The following GRAP2 variants were observed in gnomAD, a reference collection of about 807,000 sequenced individuals.
The protein encoded by GRAP2 is GRB2 related adaptor protein 2.
In GRAP2, 31 loss-of-function variants were observed where a neutral mutation model predicts 43.5. That is an observed-to-expected ratio of 0.71 (90% CI 0.54 to 0.96). The LOEUF (loss-of-function observed/expected upper bound fraction) is 0.96, where lower values mean the gene tolerates loss of function less well. Among genes scored for constraint, GRAP2 ranks in the 40% least tolerant of loss-of-function variants. The probability of loss-of-function intolerance (pLI) is 0.00; values close to 1 mark genes in which losing one functional copy is unlikely to be tolerated. For missense variants in GRAP2, 371 were observed against 424.4 expected (o/e 0.87, Z 1.11); for synonymous variants, 156 against 164.8 (o/e 0.95, Z 0.41).
chr22:39,939,452 C>T (rs933432537), intron 1 of GRAP2, among the ~76,000 whole-genome samples: 14 of 150,670 alleles, frequency 9.3e-5, no homozygotes, highest in Non-Finnish European at 1.9e-4. Flanking sequence ...GTCCCAGCTA[C>T]TCAGGAGGCT....
chr22:39,971,099 A>G lies in GRAP2; in HGVS notation c.*15A>G, dbSNP rs770449809. 5.6e-6 allele frequency: 9 copies of G among 1,595,692 alleles called. No homozygotes were observed. Among genetic ancestry groups the G allele is most frequent in the Non-Finnish European group, 6.8e-6 (8 of 1,171,636 alleles). ...TGACCCGATAAACTCTTCAGGGGAC[A>G]GAAGCTTTTTGTCTGGAGCTGCCCA... On this transcript the variant is annotated 3_prime_UTR_variant, in exon 8 of 8. Transcript: ENST00000344138.
intron 1 of GRAP2, among the ~76,000 whole-genome samples, chr22:39,939,561 CAAAAAAAAA>C (rs386395434): frequency 1.6e-5 from 1 of 64,168 alleles, no homozygotes; most frequent in African/African-American, 6.6e-5. Context: ...GACTCCGTCT[CAAAAAAAAA>C]AAAAAAAAAA....
At chr22:39,955,345 A>C (rs2067035824) in intron 2 of GRAP2, among the ~76,000 whole-genome samples, 1 of 152,198 alleles carries the variant, frequency 6.6e-6, no homozygotes, top group East Asian at 1.9e-4. Context: ...CGACAGAGCA[A>C]GACTCTGTCT....
intron 1 of GRAP2, among the ~76,000 whole-genome samples, chr22:39,941,781 C>T (rs758397127): frequency 1.6e-4 from 25 of 152,148 alleles, no homozygotes; most frequent in Non-Finnish European, 2.5e-4. Flanking sequence ...AAAATATTTA[C>T]TCTCTGGCTC....
At chr22:39,900,036 G>A (rs546578461), upstream of GRAP2, among the ~76,000 whole-genome samples, 1 of 151,568 alleles carries the variant, frequency 6.6e-6, no homozygotes, top group Non-Finnish European at 1.5e-5. Context: ...TAACTCATTC[G>A]ACAAATATTT....
At chr22:39,923,354 CT>C (rs2066670638) in intron 1 of GRAP2, among the ~76,000 whole-genome samples, 1 of 152,210 alleles carries the variant, frequency 6.6e-6, no homozygotes, top group African/African-American at 2.4e-5. Context: ...TTTTAAAATA[CT>C]TCTTAATATA....
chr22:39,926,562 T>A, intron 1 of GRAP2: 1 of 980,674 alleles, frequency 1.0e-6, no homozygotes, highest in Non-Finnish European at 1.2e-6. Context: ...GGCTATGGTT[T>A]TTTCTACATG....
intron 1 of GRAP2, among the ~76,000 whole-genome samples, chr22:39,913,107 C>T (rs530767393): frequency 1.3e-5 from 2 of 150,712 alleles, no homozygotes; most frequent in South Asian, 2.1e-4. Context: ...GTGGGAGAAT[C>T]GCTTATACCT....
upstream of GRAP2, among the ~76,000 whole-genome samples, chr22:39,900,541 A>T (rs1369945342): frequency 6.6e-6 from 1 of 152,242 alleles, no homozygotes; most frequent in Non-Finnish European, 1.5e-5. Context: ...CTCAAGGTCA[A>T]TGGAAAGTCT....
intron 4 of GRAP2, chr22:39,960,686 C>T (rs2067110299): frequency 6.5e-6 from 1 of 154,018 alleles, no homozygotes. Flanking sequence ...AGTTGTGGCA[C>T]CTTTCTTTGC....
intron 2 of GRAP2, among the ~76,000 whole-genome samples, chr22:39,954,378 C>G (rs901475968): frequency 1.3e-5 from 2 of 152,096 alleles, no homozygotes; most frequent in African/African-American, 4.8e-5. Context: ...AATTATTGTT[C>G]TAGTCTATAT....
chr22:39,902,885 T>A (rs1282226301), intron 1 of GRAP2, among the ~76,000 whole-genome samples: 1 of 152,234 alleles, frequency 6.6e-6, no homozygotes, highest in East Asian at 1.9e-4. Context: ...ATATCATGAT[T>A]AGTTGTTTCT....
In GRAP2 at chr22:39,965,918, A is replaced by G; in HGVS notation, c.291-72A>G. 10 of 1,236,688 alleles carry G rather than the reference A, an allele frequency of 8.1e-6. No homozygotes were observed. In the South Asian group the frequency reaches 1.2e-4, roughly 15 times the overall value. 76.6% of individuals were successfully genotyped at this position (1,236,688 alleles called of 1,614,324 possible). On this transcript the variant is annotated intron_variant, in intron 4 of 7. Transcript: ENST00000344138. Reference sequence around the variant, plus strand: ...TGCTCAAAGAGAACTCCACCATCCCAGATGTGAGCAGCCTGGAGGTGGTGA... The same window carrying G: ...TGCTCAAAGAGAACTCCACCATCCCGGATGTGAGCAGCCTGGAGGTGGTGA...
intron 2 of GRAP2, among the ~76,000 whole-genome samples, chr22:39,951,903 G>A (rs922097432): frequency 4.6e-5 from 7 of 152,268 alleles, no homozygotes; most frequent in African/African-American, 9.6e-5. Flanking sequence ...ACCAGGTGGC[G>A]GAGAGAAATG....
intron 1 of GRAP2, among the ~76,000 whole-genome samples, chr22:39,938,468 G>T (rs2066830502): frequency 6.6e-6 from 1 of 152,248 alleles, no homozygotes; most frequent in African/African-American, 2.4e-5. Context: ...AAATCACAAG[G>T]CAAGGCCATG....
chr22:39,935,642 G>C (rs532749846), intron 1 of GRAP2, among the ~76,000 whole-genome samples: 2 of 152,114 alleles, frequency 1.3e-5, no homozygotes, highest in South Asian at 4.2e-4. Flanking sequence ...TAGACTTATC[G>C]AATGAAGCAA....
At chr22:39,895,247 CACTT>C in the GRAP2 span, among the ~76,000 whole-genome samples, 17 of 152,148 alleles carry the variant, frequency 1.1e-4, no homozygotes, top group Non-Finnish European at 2.1e-4. Context: ...GATAACAAAA[CACTT>C]AGTAGACAAA....
rs577547940 is a variant in GRAP2 at position 39,906,629 on chromosome 22, GT to G, written c.-15+5305del. On this transcript the variant is annotated intron_variant, in intron 1 of 7. Coordinates refer to ENST00000344138, the MANE Select transcript of GRAP2 (RefSeq NM_004810.4). ...TGCCAAATTGGTTCTGCCTTTTTAT[GT>G]TTTTTAATGAAAAGCAGCCTAATTG... Among the ~76,000 whole-genome samples the G allele has an allele frequency of 2.7e-3, 415 of 152,152 alleles. 5 individuals carry two copies. The highest frequency in any genetic ancestry group is 9.0e-3 in the African/African-American group (375 of 41,506).
intron 1 of GRAP2, among the ~76,000 whole-genome samples, chr22:39,909,612 C>T (rs1356603437): frequency 6.6e-6 from 1 of 152,068 alleles, no homozygotes; most frequent in Non-Finnish European, 1.5e-5. Context: ...GTACTGAGAA[C>T]ACTTTGGGAA....
Sources: allele counts gnomAD v4.1 joint callset (sites outside exome capture counted in the v4.1 genomes callset), GRCh38; gene constraint gnomAD v4.1.1; transcripts MANE v1.5; gene names NCBI Gene and HGNC (gene_info 2026-07-23, HGNC 2026-07-21).